Variants in CYFIP2 observed in about 807,000 individuals in gnomAD.
CYFIP2 encodes the protein cytoplasmic FMR1 interacting protein 2.
A neutral mutation model predicts 158.7 loss-of-function variants in CYFIP2; 29 were observed. The observed-to-expected ratio is 0.18, with a 90% confidence interval of 0.14 to 0.25. The LOEUF (loss-of-function observed/expected upper bound fraction) is 0.25, where lower values mean the gene tolerates loss of function less well. CYFIP2 is among the 10% of genes least tolerant of loss of function. The pLI is 1.00. For synonymous variants in CYFIP2, 585 were observed against 617.6 expected (o/e 0.95, Z 0.78); for missense variants, 852 against 1,639.5 (o/e 0.52, Z 8.29).
At chr5:157,371,756 C>A (rs144951769) in intron 26 of CYFIP2, among the ~76,000 whole-genome samples, 81 of 152,240 alleles carry the variant, frequency 5.3e-4, no homozygotes, top group African/African-American at 1.9e-3. Flanking sequence ...GAAAGTAATG[C>A]AAAAATAAAA....
intron 5 of CYFIP2, among the ~76,000 whole-genome samples, chr5:157,300,356 G>A (rs1758635134): frequency 6.6e-6 from 1 of 151,872 alleles, no homozygotes; most frequent in African/African-American, 2.4e-5. Flanking sequence ...CCAACATGGT[G>A]AAACCCCGTC....
rs748704223 is a variant in CYFIP2 at position 157,389,274 on chromosome 5, G to T, written c.3293G>T (p.Arg1098Leu). 2 of 1,614,044 alleles carry T rather than the reference G, an allele frequency of 1.2e-6. No homozygotes were observed. The highest frequency in any genetic ancestry group is 1.1e-5 in the South Asian group (1 of 91,088). ...GLSMFEVILT[R>L]IRSYLQDPIW... is the part of the protein sequence containing the mutation. Reference sequence around the variant, plus strand: ...TCCATGTTCGAGGTCATCCTGACCCGCATTCGGAGCTACCTGCAGGACCCC... The same window carrying T: ...TCCATGTTCGAGGTCATCCTGACCCTCATTCGGAGCTACCTGCAGGACCCC... Residue 1098 changes from arginine (R) to leucine (L), a missense_variant, in exon 29 of 31, where the codon CGC becomes CTC. Transcript: ENST00000620254.
intron 25 of CYFIP2, 87 bp downstream of exon 25, chr5:157,360,459 A>T: frequency 8.8e-7 from 1 of 1,133,036 alleles, no homozygotes; most frequent in East Asian, 2.4e-5. Flanking sequence ...CTTCTCTAAC[A>T]TGCCAGTGAG....
Position 157,311,772 on chromosome 5 carries a change from C to T in CYFIP2, c.1101C>T (p.Ser367=), listed in dbSNP as rs1488291359. 1.3e-6 allele frequency: 2 copies of T among 1,595,376 alleles called. No individual in the cohort carries two copies. The highest frequency in any genetic ancestry group is 1.7e-6 in the Non-Finnish European group (2 of 1,171,200). The change falls in exon 11 of 31, where the codon AGC becomes AGT. Residue 367 remains serine, a synonymous_variant. Coordinates refer to ENST00000620254, the MANE Select transcript of CYFIP2 (RefSeq NM_001037333.3). The surrounding 1 kb of genome is among the most constrained non-coding windows in gnomAD (Gnocchi z 4.7). ...TCATCTCCGAGCTCGCTCGCTACAG[C>T]AACAGTGAGGTGAGCATGCAGGCTG... The part of the protein sequence containing the change: ...IRFISELARY[S]NSEVVTGSGL...
chr5:157,299,799 G>C (rs1476344495), intron 5 of CYFIP2, among the ~76,000 whole-genome samples: 1 of 152,160 alleles, frequency 6.6e-6, no homozygotes. Flanking sequence ...CTACCCAGGA[G>C]GCTTAGGCAG....
intron 5 of CYFIP2, among the ~76,000 whole-genome samples, chr5:157,297,853 G>T (rs1758381392): frequency 1.3e-5 from 2 of 152,222 alleles, no homozygotes; most frequent in South Asian, 4.1e-4. Flanking sequence ...GAGACAACAT[G>T]AAAAATTCAG....
At chr5:157,287,864 A>G (rs1757511998) in intron 3 of CYFIP2, among the ~76,000 whole-genome samples, 1 of 152,204 alleles carries the variant, frequency 6.6e-6, no homozygotes, top group African/African-American at 2.4e-5. Context: ...AGGCTGAGGT[A>G]GGAAGATCCC....
At chr5:157,284,681 G>A (rs1757238659) in intron 1 of CYFIP2, among the ~76,000 whole-genome samples, 1 of 152,212 alleles carries the variant, frequency 6.6e-6, no homozygotes, top group Non-Finnish European at 1.5e-5. Context: ...CAGCTGCGCT[G>A]TGCCAGGGTC....
rs1402096503 is a variant in CYFIP2, at chr5:157,382,594, A to G, written c.3044A>G (p.Gln1015Arg). The G allele has an allele frequency of 6.2e-7, 1 of 1,613,834 alleles. No homozygotes were observed. The highest frequency in any genetic ancestry group is 8.5e-7 in the Non-Finnish European group (1 of 1,179,854). The change falls in exon 27 of 31, where the codon CAG (glutamine) becomes CGG (arginine). Residue 1015 changes from glutamine (Q) to arginine (R), a missense_variant. Coordinates refer to ENST00000620254, the MANE Select transcript of CYFIP2 (RefSeq NM_001037333.3). ...FCLLIEQALSQEEVCDLLHAA... is the reference protein window; with the variant it reads ...FCLLIEQALSREEVCDLLHAA... ...TCTTTACCCCCATCTCTGCAGTCTC[A>G]GGAGGAGGTCTGCGATTTGCTCCAT...
chr5:157,308,000 G>C, intron 9 of CYFIP2, 135 bp downstream of exon 9: 2 of 601,550 alleles, frequency 3.3e-6, no homozygotes, highest in South Asian at 3.9e-5. Context: ...GATCCCAAGA[G>C]TAGGAAGAGG....
At chr5:157,369,490 G>C (rs1017210891) in intron 26 of CYFIP2, among the ~76,000 whole-genome samples, 2 of 152,168 alleles carry the variant, frequency 1.3e-5, no homozygotes, top group African/African-American at 2.4e-5. Context: ...GGACATTTCA[G>C]CTTCCTCCTG....
chr5:157,317,187 C>A (rs993596159), intron 13 of CYFIP2, among the ~76,000 whole-genome samples: 1 of 152,182 alleles, frequency 6.6e-6, no homozygotes, highest in African/African-American at 2.4e-5. Context: ...CCAAGCACAA[C>A]CACCAAGAAC....
intron 1 of CYFIP2, among the ~76,000 whole-genome samples, chr5:157,268,567 AGTCCCTAC>A (rs1160209879): frequency 1.3e-5 from 2 of 152,226 alleles, no homozygotes; most frequent in African/African-American, 4.8e-5. Flanking sequence ...TACGGGTCCC[AGTCCCTAC>A]GTTTAAAGAT....
chr5:157,341,694 G>C (rs942740309), intron 23 of CYFIP2: 1 of 158,438 alleles, frequency 6.3e-6, no homozygotes, highest in Non-Finnish European at 1.4e-5. Context: ...CAAGGGAATA[G>C]GGATGTGGGG....
intron 15 of CYFIP2, among the ~76,000 whole-genome samples, chr5:157,322,191 CCT>C (rs1760650817): frequency 6.6e-6 from 1 of 152,118 alleles, no homozygotes; most frequent in Non-Finnish European, 1.5e-5. Flanking sequence ...AAACCTAGGC[CCT>C]CCCCCTCTCT....
intron 29 of CYFIP2, 58 bp from the exon 30 acceptor site, chr5:157,390,463 C>A: frequency 7.8e-7 from 1 of 1,287,146 alleles, no homozygotes. Flanking sequence ...AGGCTCCCTC[C>A]CTCCCTGCCC....
rs543140273 is a variant in CYFIP2 at position 157,372,071 on chromosome 5, C to T, written c.3039+10473C>T. Among the ~76,000 whole-genome samples the T allele has an allele frequency of 8.5e-5, 13 of 152,254 alleles. No individual in the cohort carries two copies. In the South Asian group the frequency reaches 2.3e-3, roughly 27 times the overall value. Reference sequence around the variant, plus strand: ...TCTCCAAGGAGGGATCGTTGAAGTTCGTTGTTTTTGTATAACAATTGCATA... The same window carrying T: ...TCTCCAAGGAGGGATCGTTGAAGTTTGTTGTTTTTGTATAACAATTGCATA... On this transcript the variant is annotated intron_variant, in intron 26 of 30. Coordinates refer to ENST00000620254, the MANE Select transcript of CYFIP2 (RefSeq NM_001037333.3).
intron 1 of CYFIP2, among the ~76,000 whole-genome samples, chr5:157,278,448 G>T (rs1756732975): frequency 6.6e-6 from 1 of 152,170 alleles, no homozygotes; most frequent in Admixed American, 6.5e-5. Flanking sequence ...AACCAGGTGT[G>T]GTCTAGAAGA....
rs1179173182 is a variant in CYFIP2 at position 157,395,454 on chromosome 5, A to G, written c.*2454A>G. On this transcript the variant is annotated 3_prime_UTR_variant, in exon 31 of 31. Coordinates refer to ENST00000620254, the MANE Select transcript of CYFIP2 (RefSeq NM_001037333.3). Reference sequence around the variant, plus strand: ...TTATGGTGACATATTTACGCTTGTGATCAAATAATGATGTTAAATTCTTAA... The same window carrying G: ...TTATGGTGACATATTTACGCTTGTGGTCAAATAATGATGTTAAATTCTTAA... The G allele has an allele frequency of 2.3e-5, 10 of 435,856 alleles. No individual in the cohort carries two copies. The highest frequency in any genetic ancestry group is 5.3e-5 in the South Asian group (3 of 57,088). The allele number at this position is 435,856 out of a possible 1,614,324, so 27.0% of individuals were successfully genotyped here.
Sources: allele counts gnomAD v4.1 joint callset (sites outside exome capture counted in the v4.1 genomes callset), GRCh38; gene constraint gnomAD v4.1.1; non-coding constraint Gnocchi (gnomAD v3.1); transcripts MANE v1.5; gene names NCBI Gene and HGNC (gene_info 2026-07-23, HGNC 2026-07-21).